Variants in ATP11C observed in about 807,000 individuals in gnomAD.
ATP11C encodes the protein ATPase phospholipid transporting 11C (ATP11C blood group).
A neutral mutation model predicts 97.4 loss-of-function variants in ATP11C; 36 were observed. That is an observed-to-expected ratio of 0.37 (90% CI 0.28 to 0.49). The LOEUF is 0.49. Ranked by LOEUF, ATP11C falls within the 20% of genes least tolerant of loss-of-function variation. ATP11C has a pLI of 0.98. For missense variants in ATP11C, 730 were observed against 824.6 expected (o/e 0.89, Z 1.40); for synonymous variants, 275 against 290.9 (o/e 0.95, Z 0.56).
rs1171292434 is a variant in ATP11C at position 139,926,940 on chromosome X, G to A, written c.27+5076C>T. Reference sequence around the variant, plus strand: ...TTTGCAAAAGAGCAGTTTGCCATGCGTAGGTCAGATGAAAGGAGACAAATG... The same window carrying A: ...TTTGCAAAAGAGCAGTTTGCCATGCATAGGTCAGATGAAAGGAGACAAATG... On this transcript the variant is annotated intron_variant, in intron 1 of 29. Coordinates refer to ENST00000682941, the MANE Select transcript of ATP11C (RefSeq NM_001353812.2). 3.6e-5 allele frequency among the ~76,000 whole-genome samples: 4 copies of A among 112,236 alleles called. No individual in the cohort carries two copies. In the East Asian group the frequency reaches 8.4e-4, roughly 24 times the overall value.
chrX:139,928,293 T>C (rs1259387097), intron 1 of ATP11C, among the ~76,000 whole-genome samples: 1 of 112,041 alleles, frequency 8.9e-6, no homozygotes, highest in East Asian at 2.8e-4. Flanking sequence ...AGACCATTTG[T>C]AATAGTTGTG....
intron 15 of ATP11C, among the ~76,000 whole-genome samples, chrX:139,785,952 C>T (rs1315692550): frequency 1.8e-5 from 2 of 110,699 alleles, no homozygotes; most frequent in African/African-American, 6.6e-5. Context: ...AGCACATGGC[C>T]CATGGAAGAC....
At chrX:139,812,836 G>A (rs1359951113) in intron 5 of ATP11C, among the ~76,000 whole-genome samples, 1 of 112,054 alleles carries the variant, frequency 8.9e-6, no homozygotes, top group East Asian at 2.8e-4. Flanking sequence ...TGGTTCTTAC[G>A]CTGATCAATA....
intron 28 of ATP11C, among the ~76,000 whole-genome samples, chrX:139,736,455 G>A (rs930273129): frequency 1.8e-5 from 2 of 111,381 alleles, no homozygotes; most frequent in Admixed American, 9.5e-5. Context: ...AAATAAGGAT[G>A]GAAGAGCAAC....
chrX:139,909,543 A>G (rs887723826), intron 1 of ATP11C, among the ~76,000 whole-genome samples: 1 of 111,452 alleles, frequency 9.0e-6, no homozygotes, highest in African/African-American at 3.3e-5. Flanking sequence ...ACACATACAC[A>G]CACACACACA....
intron 1 of ATP11C, among the ~76,000 whole-genome samples, chrX:139,911,930 C>T (rs2085081465): frequency 9.1e-6 from 1 of 110,066 alleles, no homozygotes; most frequent in Non-Finnish European, 1.9e-5. Flanking sequence ...ATAATCTCAG[C>T]ACTTTGGGAG....
chrX:139,843,021 A>T (rs895254928), intron 1 of ATP11C, among the ~76,000 whole-genome samples: 4 of 112,103 alleles, frequency 3.6e-5, no homozygotes, highest in Non-Finnish European at 7.5e-5. Flanking sequence ...GTTCTCTTGG[A>T]CTGGAATTGT....
intron 2 of ATP11C, among the ~76,000 whole-genome samples, chrX:139,820,439 AT>A (rs991446187): frequency 9.0e-6 from 1 of 110,694 alleles, no homozygotes; most frequent in Admixed American, 9.7e-5. Flanking sequence ...TAAATAAATT[AT>A]TTGGAGGAAT....
At chrX:139,888,408 G>C (rs1490811163) in intron 1 of ATP11C, among the ~76,000 whole-genome samples, 2 of 111,173 alleles carry the variant, frequency 1.8e-5, no homozygotes, top group African/African-American at 6.5e-5. Context: ...TGAGATTACA[G>C]GTGTGAGCCA....
intron 22 of ATP11C, among the ~76,000 whole-genome samples, chrX:139,761,495 G>C (rs1288550502): frequency 9.0e-6 from 1 of 110,917 alleles, no homozygotes; most frequent in African/African-American, 3.3e-5. Context: ...TTTCATTTTA[G>C]AAAATTTTTA....
At chrX:139,850,798 G>A (rs1467144015) in intron 1 of ATP11C, among the ~76,000 whole-genome samples, 2 of 110,137 alleles carry the variant, frequency 1.8e-5, no homozygotes, top group African/African-American at 6.6e-5. Context: ...TATAATCCCA[G>A]CTACTCGGGA....
chrX:139,915,660 AAAAAAG>A (rs1240727851), intron 1 of ATP11C, among the ~76,000 whole-genome samples: 1 of 111,436 alleles, frequency 9.0e-6, no homozygotes, highest in African/African-American at 3.3e-5. Flanking sequence ...CTCTATCTCA[AAAAAAG>A]AAAAAGAAAA....
At chrX:139,787,087 T>C in intron 15 of ATP11C, 86 bp downstream of exon 15, 1 of 1,163,374 alleles carries the variant, frequency 8.6e-7, no homozygotes, top group Admixed American at 2.4e-5. Flanking sequence ...TTTAGTGGCA[T>C]CATTTCCTTT....
chrX:139,923,582 C>T (rs937783596), intron 1 of ATP11C, among the ~76,000 whole-genome samples: 2 of 112,247 alleles, frequency 1.8e-5, no homozygotes, highest in African/African-American at 6.5e-5. Context: ...ATAAATTGTA[C>T]ACTATACTAT....
intron 1 of ATP11C, among the ~76,000 whole-genome samples, chrX:139,922,349 G>A (rs1044294935): frequency 1.0e-5 from 1 of 100,111 alleles, no homozygotes; most frequent in Non-Finnish European, 2.0e-5. Context: ...GATTCCTATA[G>A]CTATTGTTGT....
At chrX:139,730,439 T>C (rs1197909020) in intron 29 of ATP11C, among the ~76,000 whole-genome samples, 3 of 111,755 alleles carry the variant, frequency 2.7e-5, no homozygotes, top group Non-Finnish European at 5.7e-5. Flanking sequence ...AGGTAAGTTG[T>C]TCAAAAATGG....
chrX:139,740,907 T>C, intron 27 of ATP11C, 84 bp downstream of exon 27: 1 of 542,631 alleles, frequency 1.8e-6, no homozygotes, highest in Non-Finnish European at 3.0e-6. Flanking sequence ...TTTTAAAGTA[T>C]AATGAATGCT....
chrX:139,863,768 C>A (rs896991446), intron 1 of ATP11C, among the ~76,000 whole-genome samples: 3 of 109,409 alleles, frequency 2.7e-5, no homozygotes, highest in African/African-American at 1.0e-4. Flanking sequence ...TTTTAAGAAT[C>A]AAGTATTAGT....
chrX:139,889,771 C>T (rs2084700308), intron 1 of ATP11C, among the ~76,000 whole-genome samples: 1 of 111,984 alleles, frequency 8.9e-6, no homozygotes, highest in African/African-American at 3.2e-5. Flanking sequence ...GTGTCTCTCA[C>T]TGTTAATTGA....
Sources: gnomAD v4.1 joint callset for allele counts (sites outside exome capture counted in the v4.1 genomes callset) on GRCh38, gnomAD v4.1.1 for gene constraint, MANE v1.5 for transcripts, NCBI Gene and HGNC (gene_info 2026-07-23, HGNC 2026-07-21) for gene names.